PCDH15: variants seen among roughly 807,000 people sequenced by gnomAD.
PCDH15 encodes the protein protocadherin related 15.
Under a neutral mutation model 178.5 loss-of-function variants are expected in PCDH15, and 129 were observed. That is an observed-to-expected ratio of 0.72 (90% CI 0.63 to 0.84). The LOEUF is 0.84. PCDH15 is among the 40% of genes least tolerant of loss of function. The probability of loss-of-function intolerance (pLI) is 0.00; values close to 1 mark genes in which losing one functional copy is unlikely to be tolerated. For missense variants in PCDH15, 2,230 were observed against 2,099.9 expected (o/e 1.06, Z -1.21); for synonymous variants, 800 against 732.0 (o/e 1.09, Z -1.50).
rs189744376 is a variant in PCDH15 at position 54,305,083 on chromosome 10, T to A, written c.876+12188A>T. On this transcript the variant is annotated intron_variant, in intron 8 of 37. Coordinates refer to ENST00000644397, the MANE Select transcript of PCDH15 (RefSeq NM_001384140.1). Reference sequence around the variant, plus strand: ...TGCTTGTGAACAATCTTACAGCTATTTTTATAACTTTTTAAAGTGTTATGT... The same window carrying A: ...TGCTTGTGAACAATCTTACAGCTATATTTATAACTTTTTAAAGTGTTATGT... Among the ~76,000 whole-genome samples, 319 of 152,168 alleles carry A rather than the reference T, an allele frequency of 2.1e-3. 1 individual carries two copies. The highest frequency in any genetic ancestry group is 5.4e-3 in the African/African-American group (223 of 41,548).
Position 54,219,407 on chromosome 10 carries a change from G to A in PCDH15, c.986-5359C>T, listed in dbSNP as rs1433272728. 3.3e-5 allele frequency among the ~76,000 whole-genome samples: 5 copies of A among 150,576 alleles called. No individual in the cohort carries two copies. The East Asian group carries it at 9.9e-4, about 30-fold the overall frequency. On this transcript the variant is annotated intron_variant, in intron 9 of 37. Transcript: ENST00000644397. ...AGATCGAGACCATCCTGGCTAACAC[G>A]GTGACACCCCATCTCTACTAAAAAT... is the stretch of plus-strand genomic sequence containing the variant.
At chr10:53,988,500 T>C (rs1174930555) in intron 21 of PCDH15, among the ~76,000 whole-genome samples, 2 of 152,140 alleles carry the variant, frequency 1.3e-5, no homozygotes, top group African/African-American at 4.8e-5. Context: ...TGTTTGATTG[T>C]AGGGCTACGG....
chr10:55,549,442 A>G (rs1252831343), intron 2 of PCDH15, among the ~76,000 whole-genome samples: 2 of 152,210 alleles, frequency 1.3e-5, no homozygotes, highest in Middle Eastern at 6.8e-3. Context: ...ACATCACAGT[A>G]TATTTTCTTT....
At chr10:55,117,812 C>T (rs763403449) in intron 2 of PCDH15, among the ~76,000 whole-genome samples, 1 of 152,160 alleles carries the variant, frequency 6.6e-6, no homozygotes, top group Non-Finnish European at 1.5e-5. Flanking sequence ...AGTTGCTCTA[C>T]AGAGGTCAAT....
chr10:54,008,899 CT>C (rs1170084073), intron 20 of PCDH15, among the ~76,000 whole-genome samples: 1 of 152,168 alleles, frequency 6.6e-6, no homozygotes, highest in Non-Finnish European at 1.5e-5. Context: ...TCACCTTAGT[CT>C]TTTTCATCTG....
chr10:55,582,628 A>ATTTTTTT lies in PCDH15; in HGVS notation c.-156+44990_-156+44996dup, dbSNP rs1554800566. On this transcript the variant is annotated intron_variant, in intron 2 of 5. Transcript: ENST00000613346. ...TATATATATATATATATATATATAT[A>ATTTTTTT]TTTTTTTTTTTTTGCTATATTTGAT... Among the ~76,000 whole-genome samples, 34 of 69,038 alleles carry ATTTTTTT rather than the reference A, an allele frequency of 4.9e-4. 1 individual carries two copies. Among genetic ancestry groups the ATTTTTTT allele is most frequent in the African/African-American group, 1.9e-3 (29 of 15,088 alleles). The allele number at this position is 69,038 out of a possible 152,430, so 45.3% of individuals were successfully genotyped here. A position where few individuals can be genotyped will look rare whatever the true frequency, so the allele number is the denominator to read the frequency against.
At chr10:54,781,145 G>GT (rs984344309) in intron 1 of PCDH15, among the ~76,000 whole-genome samples, 2 of 151,956 alleles carry the variant, frequency 1.3e-5, no homozygotes, top group African/African-American at 4.8e-5. Flanking sequence ...ATTTATATAT[G>GT]TTTTTTGGCT....
intron 1 of PCDH15, among the ~76,000 whole-genome samples, chr10:54,716,841 G>C (rs113189147): frequency 7.0e-6 from 1 of 142,874 alleles, no homozygotes; most frequent in African/African-American, 2.7e-5. Context: ...GAGGCATCAC[G>C]CTACCTGACT....
chr10:55,370,413 C>A (rs950296480), intron 2 of PCDH15, among the ~76,000 whole-genome samples: 1 of 152,022 alleles, frequency 6.6e-6, no homozygotes, highest in East Asian at 1.9e-4. Context: ...ACTAATCATG[C>A]CTTTTTCTTG....
chr10:54,109,314 G>C (rs74493388), intron 15 of PCDH15, among the ~76,000 whole-genome samples: 2,509 of 152,224 alleles, frequency 0.016, 34 homozygotes, highest in Non-Finnish European at 0.026. Context: ...ATTCACAATG[G>C]CCAATATTTG....
intron 1 of PCDH15, among the ~76,000 whole-genome samples, chr10:54,728,209 A>G (rs117415779): frequency 0.12 from 18,425 of 151,488 alleles, 1,246 homozygotes; most frequent in African/African-American, 0.17. Context: ...TGAATCCAGC[A>G]GCATATCAAA....
chr10:55,071,180 A>G (rs939392709), intron 2 of PCDH15, among the ~76,000 whole-genome samples: 2 of 152,204 alleles, frequency 1.3e-5, no homozygotes, highest in African/African-American at 4.8e-5. Flanking sequence ...CTACGAAGAA[A>G]CTGAATCAAC....
chr10:54,877,938 C>CTTTTTTTTTTTTTTTTT (rs1203452904), intron 3 of PCDH15, among the ~76,000 whole-genome samples: 1 of 8,086 alleles, frequency 1.2e-4, no homozygotes, highest in African/African-American at 5.0e-4. Flanking sequence ...CTCTCTCTCT[C>CTTTTTTTTTTTTTTTTT]TTTTTTTTTT....
At chr10:55,116,095 C>T (rs375866627) in intron 2 of PCDH15, among the ~76,000 whole-genome samples, 1 of 152,018 alleles carries the variant, frequency 6.6e-6, no homozygotes, top group Admixed American at 6.6e-5. Flanking sequence ...TTGGTCAGGA[C>T]CAGTGACTTT....
intron 28 of PCDH15, among the ~76,000 whole-genome samples, chr10:53,843,381 A>G (rs765301885): frequency 1.3e-5 from 2 of 151,476 alleles, no homozygotes; most frequent in Non-Finnish European, 2.9e-5. Context: ...CATTACCTAT[A>G]TGTATATAAA....
intron 1 of PCDH15, among the ~76,000 whole-genome samples, chr10:55,256,410 C>A (rs536725737): frequency 6.6e-6 from 1 of 152,230 alleles, no homozygotes; most frequent in African/African-American, 2.4e-5. Context: ...CGAGCATGAG[C>A]CGAAGCAGGG....
chr10:55,049,620 CTA>C (rs2131986191), intron 2 of PCDH15, among the ~76,000 whole-genome samples: 1 of 151,956 alleles, frequency 6.6e-6, no homozygotes, highest in South Asian at 2.1e-4. Context: ...GTATTAGCAG[CTA>C]TGTGGCAGGT....
chr10:53,906,827 C>A (rs1180318735), intron 25 of PCDH15: 6 of 149,448 alleles, frequency 4.0e-5, no homozygotes, highest in Middle Eastern at 3.2e-3. Flanking sequence ...AGAAACAAAC[C>A]AAAAAACAAC....
intron 27 of PCDH15, among the ~76,000 whole-genome samples, chr10:53,860,364 G>A (rs2133077979): frequency 6.6e-6 from 1 of 152,190 alleles, no homozygotes; most frequent in Middle Eastern, 3.4e-3. Flanking sequence ...TTAGTGGAAG[G>A]GAAGGAATGA....
Sources: allele counts gnomAD v4.1 joint callset (sites outside exome capture counted in the v4.1 genomes callset), GRCh38; gene constraint gnomAD v4.1.1; transcripts MANE v1.5; gene names NCBI Gene and HGNC (gene_info 2026-07-23, HGNC 2026-07-21).